Variants in IL21R observed in about 807,000 individuals in gnomAD.
IL21R encodes the protein interleukin-21 receptor.
Under a neutral mutation model 41.3 loss-of-function variants are expected in IL21R, and 14 were observed. The ratio of observed to expected loss-of-function variants is 0.34; its 90% confidence interval spans 0.22 to 0.53. The LOEUF is 0.53. Ranked by LOEUF, IL21R falls within the 20% of genes least tolerant of loss-of-function variation. The pLI is 0.94. For missense variants in IL21R, 588 were observed against 681.6 expected, an observed-to-expected ratio of 0.86 and a Z score of 1.53; for synonymous variants, 286 against 287.6, an observed-to-expected ratio of 0.99 and a Z score of 0.05.
In IL21R at chr16:27,436,602, C is replaced by G. The variant is rs3093338; in HGVS notation, c.153-886C>G. ...AACATCTAGGTAGGGAAATTAATAT[C>G]CGGTAAACTACTATACATACTTCAA... On this transcript the variant is annotated intron_variant, in intron 3 of 8. Coordinates refer to ENST00000337929, the MANE Select transcript of IL21R (RefSeq NM_181078.3). Among the ~76,000 whole-genome samples, 841 of 152,284 alleles carry G rather than the reference C, an allele frequency of 5.5e-3. 12 individuals are homozygous for G. Among genetic ancestry groups the G allele is most frequent in the African/African-American group, 0.019 (804 of 41,548 alleles).
In IL21R at chr16:27,449,502, C is replaced by G. The variant is rs117123151; in HGVS notation, c.*219C>G. 1 of 579,782 alleles carries G rather than the reference C, an allele frequency of 1.7e-6. No individual in the cohort carries two copies. 35.9% of individuals were successfully genotyped at this position (579,782 alleles called of 1,614,324 possible). On this transcript the variant is annotated 3_prime_UTR_variant, in exon 9 of 9. Transcript: ENST00000337929. ...TCTTAGGTGCGCAGTGGCATGTCCA[C>G]GTGTGTGTGTGATTGCACGTGCCTG...
chr16:27,442,635 T>G (rs1312421982), intron 4 of IL21R: 1 of 171,584 alleles, frequency 5.8e-6, no homozygotes, highest in Non-Finnish European at 1.2e-5. Context: ...GTGCTGGGAT[T>G]ACAGGCATGA....
chr16:27,446,093 G>A lies in IL21R; in HGVS notation c.867+5G>A, dbSNP rs1417853650. 3.1e-6 allele frequency: 5 copies of A among 1,612,542 alleles called. No homozygotes were observed. The East Asian group carries it at 1.1e-4, about 36-fold the overall frequency. Reference sequence around the variant, plus strand: ...GGCTGCAGCGGAGACTTCAAGGTGAGCTCCCGACCCTGTGATGAGCTCCTC... The same window carrying A: ...GGCTGCAGCGGAGACTTCAAGGTGAACTCCCGACCCTGTGATGAGCTCCTC... On this transcript the variant is annotated splice_donor_5th_base_variant and intron_variant, in intron 8 of 8. Coordinates refer to ENST00000337929, the MANE Select transcript of IL21R (RefSeq NM_181078.3).
chr16:27,439,935 C>T (rs1010282484), intron 4 of IL21R, among the ~76,000 whole-genome samples: 3 of 152,114 alleles, frequency 2.0e-5, no homozygotes, highest in African/African-American at 7.2e-5. Flanking sequence ...TCTCAGTACC[C>T]TGGTGTCTTC....
rs370347638 is a variant in IL21R at position 27,444,747 on chromosome 16, C to G, written c.685+28C>G. ...AGGTGTGAAGCTGGGATGGACACCC[C>G]ACTCCTGGTATCAAATTTTGTCCTG... is the stretch of plus-strand genomic sequence containing the variant. On this transcript the variant is annotated intron_variant, in intron 6 of 8. Transcript: ENST00000337929. 1.5e-5 allele frequency: 22 copies of G among 1,466,124 alleles called. No individual in the cohort carries two copies. The African/African-American group carries it at 2.5e-4, about 16-fold the overall frequency. 90.8% of individuals were successfully genotyped at this position (1,466,124 alleles called of 1,614,324 possible).
At chr16:27,419,268 CAG>C (rs1192204484) in intron 1 of IL21R, among the ~76,000 whole-genome samples, 1 of 152,138 alleles carries the variant, frequency 6.6e-6, no homozygotes. Context: ...TAGGCCTACA[CAG>C]GGTCAAGATC....
At chr16:27,447,084 T>C (rs1164381792) in intron 8 of IL21R, among the ~76,000 whole-genome samples, 1 of 152,228 alleles carries the variant, frequency 6.6e-6, no homozygotes, top group Non-Finnish European at 1.5e-5. Context: ...GATGTTCCAC[T>C]GCCCCCAGGG....
intron 8 of IL21R, among the ~76,000 whole-genome samples, 155 bp downstream of exon 8, chr16:27,446,243 C>T (rs2087477098): frequency 6.6e-6 from 1 of 152,138 alleles, no homozygotes; most frequent in Non-Finnish European, 1.5e-5. Context: ...TCCCCATGTG[C>T]AAAGTGTAGA....
Position 27,440,868 on chromosome 16 carries a change from T to C in IL21R, c.353-2094T>C, listed in dbSNP as rs543468864. Among the ~76,000 whole-genome samples, 52 of 151,564 alleles carry C rather than the reference T, an allele frequency of 3.4e-4. No homozygotes were observed. The South Asian group carries it at 9.0e-3, about 26-fold the overall frequency. On this transcript the variant is annotated intron_variant, in intron 4 of 8. Coordinates refer to ENST00000337929, the MANE Select transcript of IL21R (RefSeq NM_181078.3). ...AAGATCAAGACCAGTCTGGCCAACA[T>C]GGGGAAACTACTTCTCTACTAAAAA...
At chr16:27,403,212 G>A in intron 1 of IL21R, 2 of 1,339,148 alleles carry the variant, frequency 1.5e-6, no homozygotes, top group South Asian at 2.5e-5. Flanking sequence ...ACGGGGAACG[G>A]GTCGGATGGT....
chr16:27,446,180 C>A (rs1596597399), intron 8 of IL21R, 92 bp downstream of exon 8: 3 of 1,024,712 alleles, frequency 2.9e-6, no homozygotes, highest in Non-Finnish European at 4.3e-6. Flanking sequence ...CAGCCTCACC[C>A]CACAGGCCTA....
Position 27,449,462 on chromosome 16 carries a change from G to A in IL21R, c.*179G>A. 2.8e-5 allele frequency: 17 copies of A among 609,518 alleles called. No individual in the cohort carries two copies. The highest frequency in any genetic ancestry group is 3.1e-5 in the Non-Finnish European group (11 of 355,058). The allele number at this position is 609,518 out of a possible 1,614,324, so 37.8% of individuals were successfully genotyped here. ...TATGTGTGTGTGTGCATATGCATGT[G>A]TGTGTGTGTGTGTGTCTTAGGTGCG... On this transcript the variant is annotated 3_prime_UTR_variant, in exon 9 of 9. Coordinates refer to ENST00000337929, the MANE Select transcript of IL21R (RefSeq NM_181078.3).
Position 27,434,397 on chromosome 16 carries a change from A to G in IL21R, c.100A>G (p.Ile34Val), listed in dbSNP as rs1596586099. The change falls in exon 3 of 9, where the codon ATC becomes GTC. Residue 34 changes from isoleucine (I) to valine (V), a missense_variant. Coordinates refer to ENST00000337929, the MANE Select transcript of IL21R (RefSeq NM_181078.3). Reference sequence around the variant, plus strand: ...CTACACCGATTACCTCCAGACGGTCATCTGCATCCTGGAAATGTGGAACCT... The same window carrying G: ...CTACACCGATTACCTCCAGACGGTCGTCTGCATCCTGGAAATGTGGAACCT... ...VCYTDYLQTV[I>V]CILEMWNLHP... The G allele has an allele frequency of 6.2e-7, 1 of 1,614,094 alleles. No individual in the cohort carries two copies. The highest frequency in any genetic ancestry group is 8.5e-7 in the Non-Finnish European group (1 of 1,179,982).
chr16:27,412,389 C>A (rs943239591), intron 1 of IL21R, among the ~76,000 whole-genome samples: 2 of 139,312 alleles, frequency 1.4e-5, no homozygotes, highest in Admixed American at 1.4e-4. Context: ...GCTTTCTTCT[C>A]CTTCTCCTTC....
rs1007641187 is a variant in IL21R, at chr16:27,450,591, T to C, written c.*1308T>C. The stretch of plus-strand genomic sequence containing the variant: ...GCAACATTTTCTTTTTCTTTTTTTT[T>C]TTTTTCTTTTGAGACAGAGTCTCAC... On this transcript the variant is annotated 3_prime_UTR_variant, in exon 9 of 9. Transcript: ENST00000337929. 3 of 219,636 alleles carry C rather than the reference T, an allele frequency of 1.4e-5. No homozygotes were observed. Among genetic ancestry groups the C allele is most frequent in the African/African-American group, 2.3e-5 (1 of 44,352 alleles). The allele number at this position is 219,636 out of a possible 1,614,324, so 13.6% of individuals were successfully genotyped here.
chr16:27,416,285 C>T (rs979888642), intron 1 of IL21R, among the ~76,000 whole-genome samples: 6 of 152,046 alleles, frequency 3.9e-5, no homozygotes, highest in Non-Finnish European at 7.4e-5. Context: ...TACAGGTTTG[C>T]GCCACCACAC....
intron 1 of IL21R, among the ~76,000 whole-genome samples, chr16:27,427,898 C>T (rs1441107896): frequency 6.6e-6 from 1 of 152,138 alleles, no homozygotes; most frequent in African/African-American, 2.4e-5. Context: ...TCTACCTCAA[C>T]ATTATTTTAT....
At chr16:27,442,169 G>A (rs528783165) in intron 4 of IL21R, among the ~76,000 whole-genome samples, 42 of 152,228 alleles carry the variant, frequency 2.8e-4, no homozygotes, top group East Asian at 7.7e-4. Flanking sequence ...CATGCTGTGC[G>A]TGTGCATGTG....
At chr16:27,403,420 G>A (rs1370623977) in intron 1 of IL21R, among the ~76,000 whole-genome samples, 2 of 152,176 alleles carry the variant, frequency 1.3e-5, no homozygotes, top group African/African-American at 4.8e-5. Flanking sequence ...TCAAAGCCAG[G>A]AGGCTGCTGC....
Sources: allele counts gnomAD v4.1 joint callset (sites outside exome capture counted in the v4.1 genomes callset), GRCh38; gene constraint gnomAD v4.1.1; transcripts MANE v1.5; gene names NCBI Gene and HGNC (gene_info 2026-07-23, HGNC 2026-07-21).